Variants in NTRK2 observed in about 807,000 individuals in gnomAD.
The protein encoded by NTRK2 is neurotrophic receptor tyrosine kinase 2, also known as BDNF/NT-3 growth factors receptor.
Under a neutral mutation model 94.5 loss-of-function variants are expected in NTRK2, and 13 were observed. The observed-to-expected ratio is 0.14, with a 90% confidence interval of 0.09 to 0.22. NTRK2 has a LOEUF of 0.22. Ranked by LOEUF, NTRK2 falls within the 10% of genes least tolerant of loss-of-function variation. The probability of loss-of-function intolerance (pLI) is 1.00; values close to 1 mark genes in which losing one functional copy is unlikely to be tolerated. For synonymous variants in NTRK2, 372 were observed against 407.4 expected, an observed-to-expected ratio of 0.91 and a Z score of 1.05; for missense variants, 639 against 1,071.2, an observed-to-expected ratio of 0.60 and a Z score of 5.63.
At chr9:84,705,071 C>A (rs2060961455) in intron 4 of NTRK2, among the ~76,000 whole-genome samples, 1 of 152,132 alleles carries the variant, frequency 6.6e-6, no homozygotes, top group East Asian at 1.9e-4. Context: ...TTTCTCTCTA[C>A]CCCTGGGATA....
intron 2 of NTRK2, among the ~76,000 whole-genome samples, chr9:84,682,383 G>A (rs1165158199): frequency 2.6e-5 from 4 of 152,148 alleles, no homozygotes; most frequent in Admixed American, 2.6e-4. Flanking sequence ...GCAGCGCAAA[G>A]GAGTGTACCA....
At chr9:84,698,943 G>A (rs1184736364) in intron 2 of NTRK2, among the ~76,000 whole-genome samples, 2 of 152,068 alleles carry the variant, frequency 1.3e-5, no homozygotes, top group East Asian at 1.9e-4. Flanking sequence ...TTCCTGAGCA[G>A]TTTGTAGCTA....
intron 2 of NTRK2, among the ~76,000 whole-genome samples, chr9:84,681,599 A>G (rs1016267625): frequency 9.9e-5 from 15 of 152,134 alleles, no homozygotes; most frequent in Admixed American, 3.9e-4. Context: ...ATAAGTACTT[A>G]ACATAAAAAC....
At chr9:84,776,939 T>G (rs1338105881) in intron 12 of NTRK2, among the ~76,000 whole-genome samples, 1 of 152,222 alleles carries the variant, frequency 6.6e-6, no homozygotes, top group Non-Finnish European at 1.5e-5. Context: ...TACCTTTCTT[T>G]GTGAGATATA....
At chr9:84,683,977 G>T (rs990556045) in intron 2 of NTRK2, among the ~76,000 whole-genome samples, 1 of 152,042 alleles carries the variant, frequency 6.6e-6, no homozygotes, top group Admixed American at 6.6e-5. Flanking sequence ...TCATCTGTTT[G>T]TTGGCCACAT....
At chr9:84,698,803 T>G (rs2060545679) in intron 2 of NTRK2, among the ~76,000 whole-genome samples, 1 of 152,224 alleles carries the variant, frequency 6.6e-6, no homozygotes, top group Non-Finnish European at 1.5e-5. Context: ...AAGCAACTTT[T>G]CATGTTTCTT....
intron 17 of NTRK2, among the ~76,000 whole-genome samples, chr9:84,988,135 T>G (rs1815243433): frequency 6.6e-6 from 1 of 152,166 alleles, no homozygotes; most frequent in Non-Finnish European, 1.5e-5. Context: ...CAAAGAAGCT[T>G]GAGCTACATC....
At chr9:84,870,331 G>GTGTGTATGTATATATATA (rs1349303529) in intron 14 of NTRK2, among the ~76,000 whole-genome samples, 1 of 31,176 alleles carries the variant, frequency 3.2e-5, no homozygotes, top group Non-Finnish European at 6.8e-5. Flanking sequence ...GTGTGTGTGT[G>GTGTGTATGTATATATATA]TATATATATA....
At chr9:84,863,507 TTCTG>T (rs1304460194) in intron 13 of NTRK2, among the ~76,000 whole-genome samples, 3 of 152,190 alleles carry the variant, frequency 2.0e-5, no homozygotes, top group East Asian at 1.9e-4. Flanking sequence ...CCCTTTATTC[TTCTG>T]TCTTTTTCAT....
chr9:84,718,095 A>AT lies in NTRK2; in HGVS notation c.584-5471dup, dbSNP rs150723602. Reference sequence around the variant, plus strand: ...TCTTCCTTTTTTTTTGTAATCTTGGATTTTTTTCCCTCTAGAATCTCAATA... The same window carrying AT: ...TCTTCCTTTTTTTTTGTAATCTTGGATTTTTTTTCCCTCTAGAATCTCAATA... On this transcript the variant is annotated intron_variant, in intron 6 of 18. Coordinates refer to ENST00000277120, the MANE Select transcript of NTRK2 (RefSeq NM_006180.6). Among the ~76,000 whole-genome samples the AT allele has an allele frequency of 6.1e-3, 817 of 134,444 alleles. 8 individuals carry two copies. Among genetic ancestry groups the AT allele is most frequent in the African/African-American group, 0.022 (776 of 35,782 alleles). The allele number at this position is 134,444 out of a possible 152,430, so 88.2% of individuals were successfully genotyped here.
At chr9:84,977,802 C>T (rs919455638) in intron 17 of NTRK2, among the ~76,000 whole-genome samples, 2 of 152,210 alleles carry the variant, frequency 1.3e-5, no homozygotes, top group African/African-American at 4.8e-5. Flanking sequence ...CTATCAGTGC[C>T]ATTTTTCCAA....
intron 17 of NTRK2, among the ~76,000 whole-genome samples, chr9:84,968,819 G>C (rs1302842173): frequency 6.6e-6 from 1 of 152,090 alleles, no homozygotes; most frequent in African/African-American, 2.4e-5. Flanking sequence ...TGGGGAATGG[G>C]GACAGAGCAG....
rs571172387 is a variant in NTRK2, at chr9:84,988,016, G to T, written c.2173-32190G>T. ...GCTTACTTAGCCCCCATGGGGCTCT[G>T]CAGGGGACACAGATTTGCACCAATA... is the stretch of plus-strand genomic sequence containing the variant. On this transcript the variant is annotated intron_variant, in intron 17 of 18. Transcript: ENST00000277120. Among the ~76,000 whole-genome samples the T allele has an allele frequency of 3.0e-4, 45 of 152,216 alleles. 1 individual carries two copies. The highest frequency in any genetic ancestry group is 5.6e-4 in the Non-Finnish European group (38 of 68,030).
chr9:84,920,507 T>A (rs1261622842), intron 14 of NTRK2, among the ~76,000 whole-genome samples: 5 of 152,174 alleles, frequency 3.3e-5, no homozygotes, highest in African/African-American at 1.2e-4. Context: ...TCCCACTCCT[T>A]CCGTCTGTTG....
At chr9:84,737,789 C>G (rs112987562) in intron 9 of NTRK2, among the ~76,000 whole-genome samples, 1 of 148,324 alleles carries the variant, frequency 6.7e-6, no homozygotes, top group Non-Finnish European at 1.5e-5. Flanking sequence ...AGCCTTCCCC[C>G]CCATCCGTCT....
At chr9:84,976,744 A>G (rs1012321123) in intron 17 of NTRK2, among the ~76,000 whole-genome samples, 3 of 152,150 alleles carry the variant, frequency 2.0e-5, no homozygotes, top group Admixed American at 2.0e-4. Flanking sequence ...AAAACTATAA[A>G]CACAACTAGA....
At chr9:84,865,606 G>A (rs1262530189) in intron 13 of NTRK2, among the ~76,000 whole-genome samples, 1 of 152,184 alleles carries the variant, frequency 6.6e-6, no homozygotes, top group African/African-American at 2.4e-5. Flanking sequence ...GTAAAGGATG[G>A]AAGTGCTGAA....
chr9:84,698,312 A>G (rs1407313323), intron 2 of NTRK2, among the ~76,000 whole-genome samples: 2 of 152,020 alleles, frequency 1.3e-5, no homozygotes, highest in African/African-American at 2.4e-5. Context: ...TCAGTATACA[A>G]TTTTGCTTAT....
intron 12 of NTRK2, among the ~76,000 whole-genome samples, chr9:84,781,618 T>C (rs1438509544): frequency 6.6e-6 from 1 of 152,154 alleles, no homozygotes; most frequent in Non-Finnish European, 1.5e-5. Context: ...ATGAGATGAA[T>C]GCCCCCTGGT....
Sources: gnomAD v4.1 joint callset for allele counts (sites outside exome capture counted in the v4.1 genomes callset) on GRCh38, gnomAD v4.1.1 for gene constraint, MANE v1.5 for transcripts, NCBI Gene and HGNC (gene_info 2026-07-23, HGNC 2026-07-21) for gene names.